PKN2: variants seen among roughly 807,000 people sequenced by gnomAD.
The protein encoded by PKN2 is protein kinase N2.
PKN2 carries 38 observed loss-of-function variants against 119.1 expected under a neutral mutation model. The observed-to-expected ratio is 0.32, with a 90% confidence interval of 0.25 to 0.42. The LOEUF (loss-of-function observed/expected upper bound fraction) is 0.42. Ranked by LOEUF, PKN2 falls within the 10% of genes least tolerant of loss-of-function variation. The pLI, the probability that PKN2 is intolerant of heterozygous loss-of-function variation, is 1.00. For missense variants in PKN2, 850 were observed against 1,165.1 expected, an observed-to-expected ratio of 0.73 and a Z score of 3.94; for synonymous variants, 390 against 384.9, an observed-to-expected ratio of 1.01 and a Z score of -0.15.
At position 88,807,454 on chromosome 1, in the gene PKN2, T is replaced by C. The variant is rs756884678; in HGVS notation, c.1934+11T>C. On this transcript the variant is annotated intron_variant, in intron 13 of 21. Transcript: ENST00000370521. ...ACTTGAGGACAGAAGGTAAAGAATA[T>C]ATACCAAATTTTGCGACTACATGTT... 3 of 1,607,518 alleles carry C rather than the reference T, an allele frequency of 1.9e-6. No individual in the cohort carries two copies. The highest frequency in any genetic ancestry group is 2.5e-6 in the Non-Finnish European group (3 of 1,177,770).
chr1:88,773,248 T>C (rs1386168670), intron 6 of PKN2, among the ~76,000 whole-genome samples: 2 of 152,122 alleles, frequency 1.3e-5, no homozygotes, highest in Non-Finnish European at 2.9e-5. Flanking sequence ...AATTCATTTT[T>C]ATTGAGACAG....
chr1:88,823,104 C>T (rs1185613367), intron 17 of PKN2, among the ~76,000 whole-genome samples: 1 of 152,124 alleles, frequency 6.6e-6, no homozygotes, highest in Non-Finnish European at 1.5e-5. Flanking sequence ...GCCTGTATCC[C>T]AGCTACTCAG....
At chr1:88,779,304 T>G (rs1670233530) in intron 6 of PKN2, among the ~76,000 whole-genome samples, 1 of 152,170 alleles carries the variant, frequency 6.6e-6, no homozygotes, top group South Asian at 2.1e-4. Flanking sequence ...CCTTTGAATG[T>G]TTTCCAGAGT....
intron 8 of PKN2, among the ~76,000 whole-genome samples, chr1:88,800,132 C>T (rs1671247293): frequency 6.6e-6 from 1 of 152,122 alleles, no homozygotes; most frequent in African/African-American, 2.4e-5. Flanking sequence ...TGGAGCCCAG[C>T]TCTCCACTTC....
Position 88,832,782 on chromosome 1 carries a change from C to T in PKN2, c.2601C>T (p.Asp867=), listed in dbSNP as rs993285599. The change falls in exon 20 of 22, where the codon GAC becomes GAT. Residue 867 remains aspartate (D), a synonymous_variant. Coordinates refer to ENST00000370521, the MANE Select transcript of PKN2 (RefSeq NM_006256.4). ...GTGATGATGAAGAGGAAGTTTTTGA[C>T]AGTATTGTAAATGATGAAGTAAGGT... ...FPGDDEEEVF[D]SIVNDEVRYP... 3.7e-6 allele frequency: 6 copies of T among 1,602,132 alleles called. No homozygotes were observed. The highest frequency in any genetic ancestry group is 5.1e-6 in the Non-Finnish European group (6 of 1,172,230).
At chr1:88,739,311 G>A (rs1213603079) in intron 1 of PKN2, among the ~76,000 whole-genome samples, 1 of 150,166 alleles carries the variant, frequency 6.7e-6, no homozygotes. Flanking sequence ...ATCTCTACCA[G>A]AAAAAAAAAG....
intron 1 of PKN2, among the ~76,000 whole-genome samples, chr1:88,724,167 C>T (rs1027015236): frequency 1.3e-5 from 2 of 152,176 alleles, no homozygotes; most frequent in Non-Finnish European, 2.9e-5. Flanking sequence ...AAGCTCAACT[C>T]ACTTGCTTTA....
intron 6 of PKN2, among the ~76,000 whole-genome samples, chr1:88,772,565 T>A (rs1328684580): frequency 1.3e-5 from 2 of 152,204 alleles, no homozygotes; most frequent in Non-Finnish European, 2.9e-5. Flanking sequence ...TATACTATAT[T>A]TGATTGACCT....
At chr1:88,720,846 T>C (rs747413372) in intron 1 of PKN2, among the ~76,000 whole-genome samples, 1 of 152,176 alleles carries the variant, frequency 6.6e-6, no homozygotes, top group African/African-American at 2.4e-5. Context: ...TCTCATAGCT[T>C]AGCTCCCACT....
chr1:88,773,287 C>G (rs1669966129), intron 6 of PKN2, among the ~76,000 whole-genome samples: 1 of 151,756 alleles, frequency 6.6e-6, no homozygotes, highest in Non-Finnish European at 1.5e-5. Flanking sequence ...GCCTCCCACT[C>G]CCAGGTTCAA....
chr1:88,828,652 A>T (rs1442335030), intron 19 of PKN2, 29 bp downstream of exon 19: 5 of 1,566,724 alleles, frequency 3.2e-6, no homozygotes, highest in Middle Eastern at 1.7e-4. Context: ...GTAAGAGAAC[A>T]GAGGAAGGAT....
At chr1:88,721,628 G>T (rs1667686584) in intron 1 of PKN2, among the ~76,000 whole-genome samples, 2 of 152,228 alleles carry the variant, frequency 1.3e-5, no homozygotes, top group South Asian at 4.1e-4. Flanking sequence ...TTTTAACATG[G>T]TTGATTTTGT....
chr1:88,703,915 G>A (rs1272942612), intron 1 of PKN2, among the ~76,000 whole-genome samples: 1 of 152,072 alleles, frequency 6.6e-6, no homozygotes, highest in Non-Finnish European at 1.5e-5. Flanking sequence ...TATTAGTAAA[G>A]GGAGGCTAAT....
intron 3 of PKN2, among the ~76,000 whole-genome samples, chr1:88,760,845 T>C (rs1669414370): frequency 6.6e-6 from 1 of 152,166 alleles, no homozygotes; most frequent in African/African-American, 2.4e-5. Flanking sequence ...ACCCAGTTAA[T>C]AAAAAATTTT....
chr1:88,764,241 C>T (rs1295973115), intron 3 of PKN2, among the ~76,000 whole-genome samples: 1 of 152,158 alleles, frequency 6.6e-6, no homozygotes, highest in Non-Finnish European at 1.5e-5. Flanking sequence ...GGCTTTTGCA[C>T]TTGCTATATC....
Position 88,684,913 on chromosome 1 carries a change from G to A in PKN2, c.48+285G>A. On this transcript the variant is annotated intron_variant, in intron 1 of 21. Transcript: ENST00000370521. ...CCTGCTGCAGCGGGAGCCTGCTCTCGCCTGGTCCCCGGAGAGGCCGGCCCG... is the reference window on the plus strand; with the variant it reads ...CCTGCTGCAGCGGGAGCCTGCTCTCACCTGGTCCCCGGAGAGGCCGGCCCG... 4 of 364,782 alleles carry A rather than the reference G, an allele frequency of 1.1e-5. No homozygotes were observed. In the East Asian group the frequency reaches 1.2e-4, roughly 11 times the overall value. 22.6% of individuals were successfully genotyped at this position (364,782 alleles called of 1,614,324 possible). A position where few individuals can be genotyped will look rare whatever the true frequency, so the allele number is the denominator to read the frequency against.
intron 16 of PKN2, among the ~76,000 whole-genome samples, chr1:88,821,381 C>T (rs1672284143): frequency 6.6e-6 from 1 of 152,112 alleles, no homozygotes; most frequent in African/African-American, 2.4e-5. Flanking sequence ...ACATAAATGC[C>T]ATCATTCTCC....
chr1:88,759,901 T>C (rs943555207), intron 2 of PKN2, among the ~76,000 whole-genome samples: 2 of 151,934 alleles, frequency 1.3e-5, no homozygotes, highest in African/African-American at 4.8e-5. Flanking sequence ...ACCAGAGGGG[T>C]TCATAGCCAA....
At chr1:88,780,866 C>A (rs1245656568) in intron 6 of PKN2, among the ~76,000 whole-genome samples, 1 of 152,098 alleles carries the variant, frequency 6.6e-6, no homozygotes, top group Non-Finnish European at 1.5e-5. Context: ...GTAATAAAAT[C>A]ACATTTTAGA....
Sources: allele counts gnomAD v4.1 joint callset (sites outside exome capture counted in the v4.1 genomes callset), GRCh38; gene constraint gnomAD v4.1.1; transcripts MANE v1.5; gene names NCBI Gene and HGNC (gene_info 2026-07-23, HGNC 2026-07-21).